Variants in SBF2 observed in about 807,000 individuals in gnomAD.
The protein encoded by SBF2 is SET binding factor 2.
In SBF2, 112 loss-of-function variants were observed where a neutral mutation model predicts 225.2. That is an observed-to-expected ratio of 0.50 (90% CI 0.43 to 0.58). The LOEUF is 0.58. Ranked by LOEUF, SBF2 falls within the 20% of genes least tolerant of loss-of-function variation. SBF2 has a pLI of 0.00. For synonymous variants in SBF2, 763 were observed against 773.3 expected, an observed-to-expected ratio of 0.99 and a Z score of 0.22; for missense variants, 1,996 against 2,206.2, an observed-to-expected ratio of 0.90 and a Z score of 1.91.
chr11:9,905,327 T>C (rs1862036742), intron 16 of SBF2, among the ~76,000 whole-genome samples: 1 of 152,244 alleles, frequency 6.6e-6, no homozygotes, highest in Admixed American at 6.5e-5. Context: ...AGTTGTTGAA[T>C]GAGTGATATG....
intron 2 of SBF2, among the ~76,000 whole-genome samples, chr11:10,073,542 G>A (rs1023917779): frequency 2.0e-5 from 3 of 151,962 alleles, no homozygotes; most frequent in Non-Finnish European, 4.4e-5. Context: ...GCGAAACACT[G>A]TCTGTCTCTA....
At chr11:9,892,861 T>G (rs191870928) in intron 17 of SBF2, among the ~76,000 whole-genome samples, 1 of 145,284 alleles carries the variant, frequency 6.9e-6, no homozygotes, top group African/African-American at 2.5e-5. Flanking sequence ...ACCCGGTATA[T>G]ACATAACTTT....
At chr11:10,150,801 G>A (rs540557989) in intron 2 of SBF2, among the ~76,000 whole-genome samples, 2 of 152,078 alleles carry the variant, frequency 1.3e-5, no homozygotes, top group South Asian at 4.1e-4. Context: ...GAGGCATTTA[G>A]TTATTTTTTT....
At chr11:10,083,662 T>C (rs1951449980) in intron 2 of SBF2, among the ~76,000 whole-genome samples, 1 of 152,094 alleles carries the variant, frequency 6.6e-6, no homozygotes, top group Non-Finnish European at 1.5e-5. Flanking sequence ...CTAGGGAAAT[T>C]GGAGTGCCAT....
chr11:10,101,176 AG>A (rs1952285026), intron 2 of SBF2, among the ~76,000 whole-genome samples: 1 of 152,128 alleles, frequency 6.6e-6, no homozygotes, highest in Non-Finnish European at 1.5e-5. Flanking sequence ...GAAGCTCAAC[AG>A]GCCTGACTCG....
chr11:9,832,229 T>A lies in SBF2; in HGVS notation c.3647A>T (p.Gln1216Leu), dbSNP rs761692235. 1.2e-6 allele frequency: 2 copies of A among 1,613,646 alleles called. No individual in the cohort carries two copies. The highest frequency in any genetic ancestry group is 1.7e-6 in the Non-Finnish European group (2 of 1,179,546). ...VGLFKSQNSP[Q>L]AAPTSSLESS... The stretch of plus-strand genomic sequence containing the variant: ...TGTTATAGAGAGATGCTTACCGGCC[T>A]GAGGGGAGTTCTGAGATTTGAAAAG... Residue 1216 changes from glutamine (Q) to leucine (L), a missense_variant, in exon 27 of 40, where the codon CAG becomes CTG. Transcript: ENST00000256190.
chr11:10,091,054 G>A (rs766636336), intron 2 of SBF2, among the ~76,000 whole-genome samples: 2 of 152,110 alleles, frequency 1.3e-5, no homozygotes, highest in Admixed American at 6.5e-5. Context: ...CAGCTACTAA[G>A]TATCACAGAA....
At position 9,960,787 on chromosome 11, in the gene SBF2, C is replaced by T. The variant is rs182262055; in HGVS notation, c.1860+1170G>A. The T allele has an allele frequency of 9.5e-3, 1,440 of 152,304 alleles. 9 individuals are homozygous for T. Among genetic ancestry groups the T allele is most frequent in the Middle Eastern group, 0.027 (8 of 294 alleles). 9.4% of individuals were successfully genotyped at this position (152,304 alleles called of 1,614,324 possible). On this transcript the variant is annotated intron_variant, in intron 16 of 39. Transcript: ENST00000256190. ...TCAAGTGATTCTCCTGCCTCAGCCT[C>T]CTGCGTAGCTGGGATTACAGGCGCC...
chr11:10,252,727 G>A (rs949590072), intron 1 of SBF2, among the ~76,000 whole-genome samples: 2 of 150,960 alleles, frequency 1.3e-5, no homozygotes, highest in South Asian at 2.1e-4. Flanking sequence ...GGAGAATGGC[G>A]TGCACCTGGG....
At chr11:10,084,367 A>T (rs1381416675) in intron 2 of SBF2, among the ~76,000 whole-genome samples, 1 of 152,200 alleles carries the variant, frequency 6.6e-6, no homozygotes, top group Non-Finnish European at 1.5e-5. Flanking sequence ...TACAAGATAA[A>T]ACCACAATGA....
chr11:10,031,303 C>T (rs977742375), intron 3 of SBF2, 133 bp from the exon 4 acceptor site: 23 of 860,788 alleles, frequency 2.7e-5, no homozygotes, highest in African/African-American at 1.9e-4. Context: ...AAAAATCAAA[C>T]TACAAATAAA....
chr11:10,158,515 T>G (rs185944974), intron 2 of SBF2, among the ~76,000 whole-genome samples: 2 of 152,180 alleles, frequency 1.3e-5, no homozygotes, highest in African/African-American at 4.8e-5. Context: ...ATCATAGAAA[T>G]AGAATCATAA....
At chr11:10,217,891 G>A (rs1431187289) in intron 1 of SBF2, among the ~76,000 whole-genome samples, 2 of 152,030 alleles carry the variant, frequency 1.3e-5, no homozygotes, top group Non-Finnish European at 2.9e-5. Flanking sequence ...CAAATGAGGA[G>A]CAAAGTCACA....
intron 21 of SBF2, among the ~76,000 whole-genome samples, chr11:9,852,289 T>G (rs1022897250): frequency 2.3e-4 from 35 of 152,212 alleles, no homozygotes; most frequent in Middle Eastern, 3.4e-3. Context: ...GGATGTATAG[T>G]CAGATTCAGA....
At chr11:9,946,973 G>C (rs1865600963) in intron 16 of SBF2, among the ~76,000 whole-genome samples, 1 of 152,148 alleles carries the variant, frequency 6.6e-6, no homozygotes, top group Admixed American at 6.5e-5. Flanking sequence ...TTCCTAACCT[G>C]TAACAAAAGT....
chr11:9,780,712 G>C (rs1851949425), intron 39 of SBF2, 196 bp from the exon 40 acceptor site: 1 of 617,556 alleles, frequency 1.6e-6, no homozygotes, highest in South Asian at 1.7e-5. Flanking sequence ...GATGTTGATA[G>C]AAGGGTACTG....
At chr11:10,063,307 C>A (rs1193422693) in intron 2 of SBF2, among the ~76,000 whole-genome samples, 1 of 150,636 alleles carries the variant, frequency 6.6e-6, no homozygotes, top group African/African-American at 2.4e-5. Context: ...CACATGTACC[C>A]TCTAACCTAA....
At chr11:10,152,400 T>C (rs1253003020) in intron 2 of SBF2, among the ~76,000 whole-genome samples, 1 of 151,734 alleles carries the variant, frequency 6.6e-6, no homozygotes, top group African/African-American at 2.4e-5. Flanking sequence ...AAATACAAAA[T>C]TAGCCGGGCG....
chr11:10,227,418 T>C (rs955125069), intron 1 of SBF2, among the ~76,000 whole-genome samples: 11 of 152,100 alleles, frequency 7.2e-5, no homozygotes, highest in Non-Finnish European at 1.5e-4. Context: ...CTGAATGGTA[T>C]TGCCTAGGTT....
Sources: gnomAD v4.1 joint callset for allele counts (sites outside exome capture counted in the v4.1 genomes callset) on GRCh38, gnomAD v4.1.1 for gene constraint, MANE v1.5 for transcripts, NCBI Gene and HGNC (gene_info 2026-07-23, HGNC 2026-07-21) for gene names.